HIRIP3: variants seen among roughly 807,000 people sequenced by gnomAD.
The protein encoded by HIRIP3 is HIRA interacting protein 3, also known as HIRA-interacting protein 3.
A neutral mutation model predicts 50.3 loss-of-function variants in HIRIP3; 40 were observed. That is an observed-to-expected ratio of 0.79 (90% CI 0.62 to 1.03). The LOEUF (loss-of-function observed/expected upper bound fraction) is 1.03, where lower values mean the gene tolerates loss of function less well. Ranked by LOEUF, HIRIP3 falls within the 50% of genes least tolerant of loss-of-function variation. The pLI is 0.00. For synonymous variants in HIRIP3, 318 were observed against 261.6 expected (o/e 1.22, Z -2.08); for missense variants, 765 against 705.4 (o/e 1.08, Z -0.96).
chr16:29,993,389 G>T lies in HIRIP3; in HGVS notation c.1508-19C>A. ...GGCCGGCCTAGGGGAAAGGGGAAACGAGAGATCAGATGTCTGAGAAGGTCC... is the reference window on the plus strand; with the variant it reads ...GGCCGGCCTAGGGGAAAGGGGAAACTAGAGATCAGATGTCTGAGAAGGTCC... On this transcript the variant is annotated intron_variant, in intron 6 of 6. Transcript: ENST00000279392. 6.4e-7 allele frequency: 1 copy of T among 1,567,694 alleles called. No homozygotes were observed. The highest frequency in any genetic ancestry group is 1.2e-5 in the South Asian group (1 of 85,378).
rs757678450 is a variant in HIRIP3, at chr16:29,994,431, C to T, written c.714G>A (p.Gln238=). ...CTTCCTCCTCCACTTCCTCCTCTCTCTGCTCTTTCTTCTGGGCTAGGATCT... is the reference window on the plus strand; with the variant it reads ...CTTCCTCCTCCACTTCCTCCTCTCTTTGCTCTTTCTTCTGGGCTAGGATCT... ...EEEILAQKKE[Q]REEEVEEEEK... The change falls in exon 4 of 7, where the codon CAG becomes CAA. Residue 238 remains glutamine, a synonymous_variant. Transcript: ENST00000279392. The T allele has an allele frequency of 3.1e-6, 5 of 1,613,902 alleles. No homozygotes were observed. The highest frequency in any genetic ancestry group is 1.7e-5 in the Admixed American group (1 of 59,992).
upstream of HIRIP3, chr16:29,995,634 G>T (rs766929180): frequency 6.2e-7 from 1 of 1,610,076 alleles, no homozygotes; most frequent in Non-Finnish European, 8.5e-7. Flanking sequence ...GACGGCTCCC[G>T]CCTTTTTTTC....
In HIRIP3 at chr16:29,993,463, G is replaced by GCC; in HGVS notation, c.1501_1502dup (p.Ser502AlafsTer14). ...CAGTGAGAGGAAACCCCTTACCCGA[G>GCC]CCACTGATGATGTTCGCAACATCCA... On this transcript the variant is annotated frameshift_variant, in exon 6 of 7. Coordinates refer to ENST00000279392, the MANE Select transcript of HIRIP3 (RefSeq NM_003609.5). LOFTEE classifies it high-confidence loss of function. 6.2e-7 allele frequency: 1 copy of GCC among 1,612,288 alleles called. No homozygotes were observed. The highest frequency in any genetic ancestry group is 8.5e-7 in the Non-Finnish European group (1 of 1,178,686).
chr16:29,995,437 C>G lies in HIRIP3; in HGVS notation c.92G>C (p.Arg31Pro), dbSNP rs1174144111. ...LSTLTHSIVR[R>P]RYLAHSGRSH... is the part of the protein sequence containing the mutation. The stretch of plus-strand genomic sequence containing the variant: ...GCGGCCCGAGTGAGCTAAGTACCTC[C>G]GCCGCACGATGGAATGCGTAAGCGT... The change falls in exon 2 of 7, where the codon CGG becomes CCG. Residue 31 changes from arginine to proline, a missense_variant. Physicochemically the swap from Arg to Pro is moderately radical, Grantham distance 103. Coordinates refer to ENST00000279392, the MANE Select transcript of HIRIP3 (RefSeq NM_003609.5). 2 of 1,613,750 alleles carry G rather than the reference C, an allele frequency of 1.2e-6. No individual in the cohort carries two copies. The highest frequency in any genetic ancestry group is 1.1e-5 in the South Asian group (1 of 91,048).
In HIRIP3 at chr16:29,995,554, G is replaced by T. The variant is rs769675336; in HGVS notation, c.52C>A (p.Arg18Ser). 8 of 1,612,990 alleles carry T rather than the reference G, an allele frequency of 5.0e-6. No individual in the cohort carries two copies. In the Admixed American group the frequency reaches 1.3e-4, roughly 27 times the overall value. ...CCCCCTGGGCACCTGAGGTCCGGGCGGCCTCGGAAGAAGCTACGGGTGAAC... is the reference window on the plus strand; with the variant it reads ...CCCCCTGGGCACCTGAGGTCCGGGCTGCCTCGGAAGAAGCTACGGGTGAAC... ...QEFTRSFFRG[R>S]PDLSTLTHSI... The change falls in exon 1 of 7, where the codon CGC becomes AGC. Residue 18 changes from arginine (R) to serine (S), a missense_variant. Physicochemically the swap from Arg to Ser is moderately radical, Grantham distance 110 (BLOSUM62 -1). Coordinates refer to ENST00000279392, the MANE Select transcript of HIRIP3 (RefSeq NM_003609.5).
chr16:29,992,948 T>A lies in HIRIP3; in HGVS notation c.*259A>T, dbSNP rs2070003427. On this transcript the variant is annotated 3_prime_UTR_variant, in exon 7 of 7. Transcript: ENST00000279392. ...GGTGGAGGCAGTGACTACTGCTCAGTTTCCTGGCCCAAAATACAGGAGGTG... is the reference window on the plus strand; with the variant it reads ...GGTGGAGGCAGTGACTACTGCTCAGATTCCTGGCCCAAAATACAGGAGGTG... 2.9e-6 allele frequency: 1 copy of A among 340,110 alleles called. No homozygotes were observed. The highest frequency in any genetic ancestry group is 4.5e-5 in the Admixed American group (1 of 22,056). The allele number at this position is 340,110 out of a possible 1,614,324, so 21.1% of individuals were successfully genotyped here.
intron 3 of HIRIP3, 21 bp downstream of exon 3, chr16:29,995,082 C>G (rs769384431): frequency 6.2e-7 from 1 of 1,608,358 alleles, no homozygotes; most frequent in Non-Finnish European, 8.5e-7. Flanking sequence ...AAGGCCCCCA[C>G]AGCAGGGAGG....
Position 29,993,568 on chromosome 16 carries a change from A to G in HIRIP3, c.1409-11T>C. The G allele has an allele frequency of 6.2e-7, 1 of 1,613,012 alleles. No homozygotes were observed. The highest frequency in any genetic ancestry group is 8.5e-7 in the Non-Finnish European group (1 of 1,179,282). On this transcript the variant is annotated splice_polypyrimidine_tract_variant and intron_variant, in intron 5 of 6. Coordinates refer to ENST00000279392, the MANE Select transcript of HIRIP3 (RefSeq NM_003609.5). ...CTAGGGAAGGGGTACCTGGGGCAGA[A>G]GAAGCTGGTGATTCTCTCCTCCCCA... is the stretch of plus-strand genomic sequence containing the variant.
chr16:29,995,035 G>A, intron 3 of HIRIP3, 68 bp downstream of exon 3: 1 of 1,525,574 alleles, frequency 6.6e-7, no homozygotes, highest in South Asian at 1.1e-5. Flanking sequence ...CATAAGAGAT[G>A]CGCAGTGAAT....
Position 29,992,838 on chromosome 16 carries a change from G to C in HIRIP3, c.*369C>G, listed in dbSNP as rs2070002144. 1 of 177,602 alleles carries C rather than the reference G, an allele frequency of 5.6e-6. No individual in the cohort carries two copies. Among genetic ancestry groups the C allele is most frequent in the Non-Finnish European group, 1.2e-5 (1 of 85,124 alleles). The allele number at this position is 177,602 out of a possible 1,614,324, so 11.0% of individuals were successfully genotyped here. On this transcript the variant is annotated 3_prime_UTR_variant, in exon 7 of 7. Transcript: ENST00000279392. Reference sequence around the variant, plus strand: ...CACACACCCTTCTCCAAAAGGGTCTGGTGGCTGTTGGATGACAGGGTCTGG... The same window carrying C: ...CACACACCCTTCTCCAAAAGGGTCTCGTGGCTGTTGGATGACAGGGTCTGG...
At position 29,993,241 on chromosome 16, in the gene HIRIP3, C is replaced by A; in HGVS notation, c.1637G>T (p.Arg546Leu). The A allele has an allele frequency of 6.3e-7, 1 of 1,589,698 alleles. No homozygotes were observed. The highest frequency in any genetic ancestry group is 8.6e-7 in the Non-Finnish European group (1 of 1,167,590). The change falls in exon 7 of 7, where the codon CGT becomes CTT. Residue 546 changes from arginine (R) to leucine (L), a missense_variant. Transcript: ENST00000279392. The part of the protein sequence containing the change: ...RPAPPDWSHM[R>L]GIISSDGESN ...CTCGCCATCACTGCTGATGATGCCA[C>A]GCATATGTGACCAGTCTGGGGGTGC...
In HIRIP3 at chr16:29,992,372, A is replaced by G. The variant is rs1453043724; in HGVS notation, c.*835T>C. On this transcript the variant is annotated 3_prime_UTR_variant, in exon 7 of 7. Transcript: ENST00000279392. ...AATTTATTGGGCTGTGTATCTAAAC[A>G]TTTCAGTGATTTTAATGACTTTAGG... is the stretch of plus-strand genomic sequence containing the variant. 1 of 152,198 alleles carries G rather than the reference A, an allele frequency of 6.6e-6. No homozygotes were observed. The highest frequency in any genetic ancestry group is 1.5e-5 in the Non-Finnish European group (1 of 68,046). 9.4% of individuals were successfully genotyped at this position (152,198 alleles called of 1,614,324 possible). A position where few individuals can be genotyped will look rare whatever the true frequency, so the allele number is the denominator to read the frequency against.
In HIRIP3 at chr16:29,994,101, G is replaced by C; in HGVS notation, c.1044C>G (p.Gly348=). Residue 348 remains glycine (G), a synonymous_variant, in exon 4 of 7, where the codon GGC becomes GGG. Coordinates refer to ENST00000279392, the MANE Select transcript of HIRIP3 (RefSeq NM_003609.5). ...TGCCCAGTCTGGCCATCTTTCTAGA[G>C]CCTTTAGCTGTGGGTTCCCCCTTCC... The part of the protein sequence containing the change: ...DSGKGEPTAK[G]SRKMARLGST... The C allele has an allele frequency of 6.2e-7, 1 of 1,613,852 alleles. No homozygotes were observed. The highest frequency in any genetic ancestry group is 8.5e-7 in the Non-Finnish European group (1 of 1,179,938).
In HIRIP3 at chr16:29,994,186, C is replaced by G. The variant is rs1160557732; in HGVS notation, c.959G>C (p.Arg320Thr). 6.2e-7 allele frequency: 1 copy of G among 1,614,152 alleles called. No individual in the cohort carries two copies. The highest frequency in any genetic ancestry group is 1.6e-4 in the Middle Eastern group (1 of 6,062). ...EPPVQRKSED[R>T]TQLKGGKRLS... ...CCTCTTCCCACCCTTAAGCTGGGTC[C>G]TGTCCTCACTCTTCCTCTGCACTGG... Residue 320 changes from arginine (R) to threonine (T), a missense_variant, in exon 4 of 7, where the codon AGG (arginine) becomes ACG (threonine). Coordinates refer to ENST00000279392, the MANE Select transcript of HIRIP3 (RefSeq NM_003609.5).
rs1368122818 is a variant in HIRIP3 at position 29,994,860 on chromosome 16, A to G, written c.302-17T>C. 17 of 1,584,816 alleles carry G rather than the reference A, an allele frequency of 1.1e-5. No individual in the cohort carries two copies. The highest frequency in any genetic ancestry group is 1.8e-5 in the Admixed American group (1 of 56,646). On this transcript the variant is annotated splice_polypyrimidine_tract_variant and intron_variant, in intron 3 of 6. Transcript: ENST00000279392. Reference sequence around the variant, plus strand: ...AGCCGGACTCTGGAATATGGAGAGGAGAGAGGGTTGAGACAGGCTCCTCCT... The same window carrying G: ...AGCCGGACTCTGGAATATGGAGAGGGGAGAGGGTTGAGACAGGCTCCTCCT...
At position 29,994,280 on chromosome 16, in the gene HIRIP3, A is replaced by C. The variant is rs1160133496; in HGVS notation, c.865T>G (p.Ser289Ala). 6.2e-7 allele frequency: 1 copy of C among 1,613,716 alleles called. No individual in the cohort carries two copies. Among genetic ancestry groups the C allele is most frequent in the Non-Finnish European group, 8.5e-7 (1 of 1,179,974 alleles). The change falls in exon 4 of 7, where the codon TCA (serine) becomes GCA (alanine). Residue 289 changes from serine to alanine, a missense_variant. By Grantham distance (99) the Ser-to-Ala change is moderately conservative. Coordinates refer to ENST00000279392, the MANE Select transcript of HIRIP3 (RefSeq NM_003609.5). ...KSQAKRLLGD[S>A]DSEEEQKEAA... ...TCTTTCTGCTCTTCCTCGCTGTCTG[A>C]GTCTCCCAAGAGCCTCTTTGCCTGG...
In HIRIP3 at chr16:29,994,756, T is replaced by C. The variant is rs1567260534; in HGVS notation, c.389A>G (p.Glu130Gly). The C allele has an allele frequency of 6.2e-7, 1 of 1,614,206 alleles. No individual in the cohort carries two copies. Among genetic ancestry groups the C allele is most frequent in the Non-Finnish European group, 8.5e-7 (1 of 1,180,044 alleles). The change falls in exon 4 of 7, where the codon GAG becomes GGG. Residue 130 changes from glutamate (E) to glycine (G), a missense_variant. By Grantham distance (98) the Glu-to-Gly change is moderately conservative. Transcript: ENST00000279392. Reference protein sequence around the residue: ...VAAEVSPAKEENPRRASKAVE... With the variant: ...VAAEVSPAKEGNPRRASKAVE... ...TGCCTTTGAGGCTCGCCTTGGATTC[T>C]CCTCTTTGGCTGGGCTGACTTCTGC...
At position 29,995,459 on chromosome 16, in the gene HIRIP3, G is replaced by C. The variant is rs761669772; in HGVS notation, c.70C>G (p.Leu24Val). Residue 24 changes from leucine to valine, a missense_variant, in exon 2 of 7, where the codon CTT (leucine) becomes GTT (valine). Leu to Val is a conservative substitution (Grantham distance 32). Transcript: ENST00000279392. ...FFRGRPDLSTLTHSIVRRRYL... is the reference protein window; with the variant it reads ...FFRGRPDLSTVTHSIVRRRYL... ...CTCCGCCGCACGATGGAATGCGTAA[G>C]CGTGCTGCAGGGACATGGTGTCAGG... is the stretch of plus-strand genomic sequence containing the variant. The C allele has an allele frequency of 1.2e-6, 2 of 1,613,572 alleles. No homozygotes were observed. The highest frequency in any genetic ancestry group is 1.3e-5 in the African/African-American group (1 of 74,946).
At position 29,993,710 on chromosome 16, in the gene HIRIP3, C is replaced by T. The variant is rs1234329184; in HGVS notation, c.1338G>A (p.Leu446=). 1.1e-5 allele frequency: 18 copies of T among 1,609,584 alleles called. No individual in the cohort carries two copies. The East Asian group carries it at 2.0e-4, about 18-fold the overall frequency. ...GCTCCTTGTGTGAGCAACAGGAGCCCAACAGCTTCTTGTAGTTTCGATGGG... is the reference window on the plus strand; with the variant it reads ...GCTCCTTGTGTGAGCAACAGGAGCCTAACAGCTTCTTGTAGTTTCGATGGG... ...CGAHRNYKKL[L]GSCCSHKERL... is the part of the protein sequence containing the mutation. The change falls in exon 5 of 7, where the codon TTG becomes TTA. Residue 446 remains leucine (L), a synonymous_variant. Coordinates refer to ENST00000279392, the MANE Select transcript of HIRIP3 (RefSeq NM_003609.5).
Sources: gnomAD v4.1 joint callset for allele counts on GRCh38, gnomAD v4.1.1 for gene constraint, MANE v1.5 for transcripts, NCBI Gene and HGNC (gene_info 2026-07-23, HGNC 2026-07-21) for gene names.